LACTBL1: variants seen among roughly 807,000 people sequenced by gnomAD.
LACTBL1 encodes the protein beta-lactamase-like protein 1.
A neutral mutation model predicts 39.6 loss-of-function variants in LACTBL1; 29 were observed. The observed-to-expected ratio is 0.73, with a 90% CI of 0.55 to 1.00. The LOEUF (loss-of-function observed/expected upper bound fraction) is 1.00, where lower values mean the gene tolerates loss of function less well. Ranked by LOEUF, LACTBL1 falls within the 50% of genes least tolerant of loss-of-function variation. The pLI is 0.00. For missense variants in LACTBL1, 711 were observed against 748.5 expected (o/e 0.95, Z 0.59); for synonymous variants, 361 against 360.7 (o/e 1.00, Z -0.01).
upstream of LACTBL1, among the ~76,000 whole-genome samples, chr1:22,968,252 C>T (rs1488776315): frequency 6.6e-6 from 1 of 152,070 alleles, no homozygotes; most frequent in Non-Finnish European, 1.5e-5. Flanking sequence ...GTAGTTAGAG[C>T]CCGGGGCCAG....
chr1:22,968,754 C>T (rs912478536), upstream of LACTBL1, among the ~76,000 whole-genome samples: 6 of 152,190 alleles, frequency 3.9e-5, no homozygotes, highest in Non-Finnish European at 8.8e-5. Flanking sequence ...CCCTGTGCTT[C>T]TGTTTCCTCA....
At chr1:22,958,847 G>T in exon 4 of LACTBL1, 1 of 1,550,606 alleles carries the variant, frequency 6.4e-7, no homozygotes, top group Non-Finnish European at 8.7e-7. Context: ...GGGTCATCTA[G>T]GGAGGCCACG....
chr1:22,964,893 G>A (rs1202983984), intron 1 of LACTBL1, among the ~76,000 whole-genome samples: 1 of 152,226 alleles, frequency 6.6e-6, no homozygotes, highest in Non-Finnish European at 1.5e-5. Context: ...ACACCTGTGA[G>A]TTGTTCCTAT....
chr1:22,965,180 G>T lies in LACTBL1; in HGVS notation c.49+110C>A, dbSNP rs1424264826. On this transcript the variant is annotated intron_variant, in intron 1 of 5. Transcript: ENST00000426928. ...TCAGAATGGAGTCCAGAGCTTCTGA[G>T]TCTAAATCTTATGGTCCTCCCCTAC... 3.1e-6 allele frequency: 3 copies of T among 977,062 alleles called. No homozygotes were observed. In the South Asian group the frequency reaches 1.5e-4, roughly 47 times the overall value. The allele number at this position is 977,062 out of a possible 1,614,324, so 60.5% of individuals were successfully genotyped here.
chr1:22,960,229 A>C, intron 2 of LACTBL1, 130 bp from the exon 5 acceptor site: 2 of 1,099,054 alleles, frequency 1.8e-6, no homozygotes, highest in Non-Finnish European at 2.6e-6. Context: ...GCTATGCCCC[A>C]TGGGCTGGGG....
At chr1:22,957,057 T>G (rs1640768640) in intron 4 of LACTBL1, among the ~76,000 whole-genome samples, 1 of 152,086 alleles carries the variant, frequency 6.6e-6, no homozygotes, top group Non-Finnish European at 1.5e-5. Flanking sequence ...TTACACATAT[T>G]CATATACACA....
intron 1 of LACTBL1, 112 bp downstream of exon 3, chr1:22,965,178 G>A (rs541259864): frequency 1.4e-5 from 13 of 954,470 alleles, no homozygotes; most frequent in Non-Finnish European, 1.7e-5. Flanking sequence ...CAGAGCTTCT[G>A]AGTCTAAATC....
chr1:22,959,837 G>C (rs770735887), intron 3 of LACTBL1, 105 bp downstream of exon 5: 6 of 1,351,902 alleles, frequency 4.4e-6, no homozygotes, highest in Non-Finnish European at 6.0e-6. Context: ...GGCCCTGGCA[G>C]ATTAGACCCC....
intron 1 of LACTBL1, among the ~76,000 whole-genome samples, chr1:22,964,597 A>G (rs925826): frequency 0.77 from 117,737 of 152,170 alleles, 46,560 homozygotes; most frequent in Non-Finnish European, 0.86. Flanking sequence ...TTGTTACTTA[A>G]CAATAGATAA....
the LACTBL1 span, chr1:22,972,309 G>A: frequency 1.0e-6 from 1 of 985,182 alleles, no homozygotes. Flanking sequence ...CCTCACCTGG[G>A]TCTTCATTCT....
chr1:22,953,088 G>A, exon 6 of LACTBL1: 1 of 1,232,296 alleles, frequency 8.1e-7, no homozygotes, highest in Non-Finnish European at 1.0e-6. Context: ...GCAGCACTCT[G>A]TACGTGTTGA....
At chr1:22,960,069 C>A in exon 3 of LACTBL1, 1 of 1,550,692 alleles carries the variant, frequency 6.4e-7, no homozygotes, top group Admixed American at 2.0e-5. Flanking sequence ...ACGCCTGGGG[C>A]AGACATTGCC....
In LACTBL1 at chr1:22,955,004, C is replaced by T. The variant is rs559822276; in HGVS notation, c.659+317G>A. Among the ~76,000 whole-genome samples the T allele has an allele frequency of 3.3e-5, 5 of 152,370 alleles. No homozygotes were observed. The South Asian group carries it at 6.2e-4, about 19-fold the overall frequency. On this transcript the variant is annotated intron_variant, in intron 5 of 5. Coordinates refer to ENST00000426928, the Ensembl canonical transcript of LACTBL1. ...TGTATTCACCTTGCTTATTTGCTCA[C>T]GGTGTCTCCCTCACAAGAGTGCAAA...
chr1:22,961,849 C>T (rs1557433078), intron 2 of LACTBL1, among the ~76,000 whole-genome samples: 8 of 152,016 alleles, frequency 5.3e-5, no homozygotes, highest in Non-Finnish European at 1.5e-5. Context: ...TGGGTTCAAG[C>T]GATTCTTCTG....
rs1360461829 is a variant in LACTBL1 at position 22,959,935 on chromosome 1, A to T, written c.317+7T>A. 6.4e-7 allele frequency: 1 copy of T among 1,551,130 alleles called. No homozygotes were observed. ...CTCCACAGGACCCTAGAGATCACCC[A>T]GCTGACCTGTACATGGTGTACTCAT... On this transcript the variant is annotated splice_region_variant and intron_variant, in intron 3 of 5. Coordinates refer to ENST00000426928, the Ensembl canonical transcript of LACTBL1.
At chr1:22,954,987 C>A (rs972812752) in intron 5 of LACTBL1, among the ~76,000 whole-genome samples, 1 of 152,252 alleles carries the variant, frequency 6.6e-6, no homozygotes, top group Admixed American at 6.5e-5. Context: ...TCTGTATTCA[C>A]CTTGCTTATT....
At chr1:22,964,447 C>T (rs183447275) in intron 1 of LACTBL1, among the ~76,000 whole-genome samples, 2 of 152,200 alleles carry the variant, frequency 1.3e-5, no homozygotes, top group Admixed American at 1.3e-4. Context: ...CACCGCCCCC[C>T]TCAACCCGAC....
At chr1:22,965,974 A>G (rs953451275), upstream of LACTBL1, among the ~76,000 whole-genome samples, 12 of 152,178 alleles carry the variant, frequency 7.9e-5, no homozygotes, top group Admixed American at 3.3e-4. Flanking sequence ...GCTAATGGCT[A>G]TGAGTTTTTG....
chr1:22,956,505 A>C (rs987152073), intron 4 of LACTBL1, among the ~76,000 whole-genome samples: 2 of 152,170 alleles, frequency 1.3e-5, no homozygotes, highest in African/African-American at 2.4e-5. Context: ...CATGGTGGGC[A>C]CTTGAGGGAT....
Sources: allele counts gnomAD v4.1 joint callset (sites outside exome capture counted in the v4.1 genomes callset), GRCh38; gene constraint gnomAD v4.1.1; transcripts MANE v1.5; gene names NCBI Gene and HGNC (gene_info 2026-07-23, HGNC 2026-07-21).